The following ESR2 variants were observed in gnomAD, a reference collection of about 807,000 sequenced individuals.
ESR2 encodes estrogen receptor 2.
A neutral mutation model predicts 49.6 loss-of-function variants in ESR2; 36 were observed. That is an observed-to-expected ratio of 0.73 (90% CI 0.56 to 0.96). The LOEUF is 0.96. Ranked by LOEUF, ESR2 falls within the 40% of genes least tolerant of loss-of-function variation. ESR2 has a pLI of 0.00. For synonymous variants in ESR2, 320 were observed against 266.1 expected (o/e 1.20, Z -1.97); for missense variants, 714 against 693.0 (o/e 1.03, Z -0.34).
intron 7 of ESR2, among the ~76,000 whole-genome samples, chr14:64,244,027 G>A (rs2075797256): frequency 6.6e-6 from 1 of 152,180 alleles, no homozygotes; most frequent in Admixed American, 6.5e-5. Flanking sequence ...ACTGGATAAA[G>A]GGATACCCAG....
intron 4 of ESR2, among the ~76,000 whole-genome samples, chr14:64,265,851 G>C (rs182797551): frequency 1.3e-5 from 2 of 152,130 alleles, no homozygotes; most frequent in Non-Finnish European, 2.9e-5. Context: ...GGTGCAGGAG[G>C]ATCCAACAAG....
chr14:64,281,876 T>G (rs886678880), intron 2 of ESR2, among the ~76,000 whole-genome samples: 1 of 152,272 alleles, frequency 6.6e-6, no homozygotes, highest in Non-Finnish European at 1.5e-5. Flanking sequence ...CATCTATCTT[T>G]TCATGCTTCG....
At chr14:64,234,695 A>T in intron 8 of ESR2, 1 of 610,186 alleles carries the variant, frequency 1.6e-6, no homozygotes, top group Non-Finnish European at 2.7e-6. Flanking sequence ...TGCCCCTTTT[A>T]GGACTCCATA....
chr14:64,244,873 C>T lies in ESR2; in HGVS notation c.1225+4673G>A, dbSNP rs544668966. On this transcript the variant is annotated intron_variant, in intron 7 of 8. Coordinates refer to ENST00000341099, the MANE Select transcript of ESR2 (RefSeq NM_001437.3). ...CTCTGGAGAAACCTAACACACCCATCCCTGCTTTGCAACCTGGAAACTGGC... is the reference window on the plus strand; with the variant it reads ...CTCTGGAGAAACCTAACACACCCATTCCTGCTTTGCAACCTGGAAACTGGC... 3.9e-5 allele frequency among the ~76,000 whole-genome samples: 6 copies of T among 152,344 alleles called. No individual in the cohort carries two copies. In the South Asian group the frequency reaches 8.3e-4, roughly 21 times the overall value.
At chr14:64,282,064 A>G (rs2076680824) in intron 2 of ESR2, among the ~76,000 whole-genome samples, 1 of 152,330 alleles carries the variant, frequency 6.6e-6, no homozygotes, top group African/African-American at 2.4e-5. Flanking sequence ...AGTTCAGACC[A>G]GGCACAGTGT....
chr14:64,278,687 C>T (rs916830782), intron 3 of ESR2, among the ~76,000 whole-genome samples: 11 of 152,110 alleles, frequency 7.2e-5, no homozygotes, highest in Non-Finnish European at 1.6e-4. Context: ...AAAGTGACTT[C>T]AGCAAATCAG....
chr14:64,274,486 CTA>C (rs909612467), intron 3 of ESR2, among the ~76,000 whole-genome samples: 1 of 151,950 alleles, frequency 6.6e-6, no homozygotes, highest in African/African-American at 2.4e-5. Context: ...TTCGACTCTT[CTA>C]TCTTTTTTTT....
At chr14:64,315,797 G>C (rs1350481881) in intron 1 of ESR2, among the ~76,000 whole-genome samples, 1 of 152,008 alleles carries the variant, frequency 6.6e-6, no homozygotes, top group East Asian at 1.9e-4. Flanking sequence ...TAGAACTACA[G>C]GTGCGTGCCA....
At chr14:64,253,604 G>GTGTGTGTATATGTATGTGTGTGTGTA (rs375688515) in intron 6 of ESR2, among the ~76,000 whole-genome samples, 15 of 142,910 alleles carry the variant, frequency 1.0e-4, no homozygotes, top group African/African-American at 3.5e-4. Flanking sequence ...GTGTGTGTGT[G>GTGTGTGTATATGTATGTGTGTGTGTA]TATGTATGTG....
intron 6 of ESR2, among the ~76,000 whole-genome samples, chr14:64,252,862 C>T (rs2076016353): frequency 6.8e-6 from 1 of 147,630 alleles, no homozygotes; most frequent in Admixed American, 6.8e-5. Context: ...TTGACAATCA[C>T]TTTTTTTTTT....
At chr14:64,227,592 G>A (rs1185207442), downstream of ESR2, 2 of 1,614,076 alleles carry the variant, frequency 1.2e-6, no homozygotes, top group Non-Finnish European at 1.7e-6. Flanking sequence ...AATGAGGTGA[G>A]TGTTTGAGAG....
At chr14:64,286,208 A>G (rs2076782429) in intron 1 of ESR2, among the ~76,000 whole-genome samples, 1 of 151,966 alleles carries the variant, frequency 6.6e-6, no homozygotes, top group Non-Finnish European at 1.5e-5. Flanking sequence ...GAGGAGAGAG[A>G]ATGGTAGCTG....
At position 64,235,028 on chromosome 14, in the gene ESR2, G is replaced by A; in HGVS notation, c.1348C>T (p.Gln450Ter). 6.2e-7 allele frequency: 1 copy of A among 1,614,232 alleles called. No individual in the cohort carries two copies. The highest frequency in any genetic ancestry group is 8.5e-7 in the Non-Finnish European group (1 of 1,180,048). ...VIAKSGISSQQQSMRLANLLM... is the reference protein window; with the variant it reads ...VIAKSGISSQ The stretch of plus-strand genomic sequence containing the variant: ...AGGTTAGCCAGGCGCATGGATTGCT[G>A]CTGGGAGGAGATGCCGCTCTTGGCA... The change falls in exon 8 of 9, where the codon CAG becomes TAG. Residue 450 changes from glutamine (Q) to a stop codon, truncating the protein, a stop_gained. Coordinates refer to ENST00000341099, the MANE Select transcript of ESR2 (RefSeq NM_001437.3). LOFTEE classifies it high-confidence loss of function.
At position 64,241,145 on chromosome 14, in the gene ESR2, C is replaced by CAAAAAAAAAAAAAAA. The variant is rs56347632; in HGVS notation, c.1226-6010_1226-5996dup. On this transcript the variant is annotated intron_variant, in intron 7 of 8. Transcript: ENST00000341099. ...TGGGCCACAGAGCGAGACTCCGTCT[C>CAAAAAAAAAAAAAAA]AAAAAAAAAAAAAAAAAAAAAAAAA... Among the ~76,000 whole-genome samples, 40 of 95,396 alleles carry CAAAAAAAAAAAAAAA rather than the reference C, an allele frequency of 4.2e-4. 1 individual carries two copies. Among genetic ancestry groups the CAAAAAAAAAAAAAAA allele is most frequent in the East Asian group, 3.9e-3 (8 of 2,036 alleles). 62.6% of individuals were successfully genotyped at this position (95,396 alleles called of 152,430 possible). A position where few individuals can be genotyped will look rare whatever the true frequency, so the allele number is the denominator to read the frequency against.
At chr14:64,275,712 G>GA (rs1002153551) in intron 3 of ESR2, among the ~76,000 whole-genome samples, 7 of 150,412 alleles carry the variant, frequency 4.7e-5, no homozygotes, top group African/African-American at 7.3e-5. Flanking sequence ...CAAAAAAAAA[G>GA]AAAAAAAAAG....
chr14:64,242,654 G>T (rs990520446), intron 7 of ESR2, among the ~76,000 whole-genome samples: 4 of 151,910 alleles, frequency 2.6e-5, no homozygotes, highest in Admixed American at 2.0e-4. Context: ...ATGCATGAGG[G>T]AAATTGGTCT....
chr14:64,314,676 A>AAGAC (rs2077229994), intron 1 of ESR2, among the ~76,000 whole-genome samples: 3 of 151,552 alleles, frequency 2.0e-5, no homozygotes, highest in Admixed American at 2.0e-4. Flanking sequence ...TCAGGAGTTC[A>AAGAC]AGACCAGCCT....
upstream of ESR2, among the ~76,000 whole-genome samples, chr14:64,295,100 G>C (rs999315710): frequency 6.6e-6 from 1 of 152,226 alleles, no homozygotes; most frequent in Non-Finnish European, 1.5e-5. Context: ...GGAGCCCCAG[G>C]GTGCGAGACT....
At chr14:64,270,895 G>C (rs1270254455) in intron 3 of ESR2, among the ~76,000 whole-genome samples, 5 of 152,208 alleles carry the variant, frequency 3.3e-5, no homozygotes, top group African/African-American at 1.2e-4. Flanking sequence ...CTCTCATGTT[G>C]CAAAGAGATA....
Sources: allele counts gnomAD v4.1 joint callset (sites outside exome capture counted in the v4.1 genomes callset), GRCh38; gene constraint gnomAD v4.1.1; transcripts MANE v1.5; gene names NCBI Gene and HGNC (gene_info 2026-07-23, HGNC 2026-07-21).